The following SLC25A26 variants were observed in gnomAD, a reference collection of about 807,000 sequenced individuals.
SLC25A26 encodes the protein mitochondrial S-adenosylmethionine carrier protein.
SLC25A26 carries 36 observed loss-of-function variants against 37.8 expected under a neutral mutation model. The ratio of observed to expected loss-of-function variants is 0.95; its 90% CI spans 0.73 to 1.26. The LOEUF is 1.26. Ranked by LOEUF, SLC25A26 falls within the 50% of genes most tolerant of loss-of-function variation. SLC25A26 has a pLI of 0.00. For missense variants in SLC25A26, 390 were observed against 331.1 expected, an observed-to-expected ratio of 1.18 and a Z score of -1.38; for synonymous variants, 129 against 122.5, an observed-to-expected ratio of 1.05 and a Z score of -0.35.
At chr3:66,318,049 G>A (rs1284344685) in intron 5 of SLC25A26, among the ~76,000 whole-genome samples, 1 of 152,174 alleles carries the variant, frequency 6.6e-6, no homozygotes, top group Non-Finnish European at 1.5e-5. Context: ...GCAGTCTCAA[G>A]TCTGATGTGC....
chr3:66,165,758 T>C (rs868202682), intron 1 of SLC25A26, among the ~76,000 whole-genome samples: 45 of 152,172 alleles, frequency 3.0e-4, no homozygotes, highest in African/African-American at 1.1e-3. Flanking sequence ...TAGTATATAA[T>C]TTGCCTTTTC....
At chr3:66,250,864 C>A (rs994522080) in intron 3 of SLC25A26, among the ~76,000 whole-genome samples, 1 of 152,126 alleles carries the variant, frequency 6.6e-6, no homozygotes, top group African/African-American at 2.4e-5. Context: ...AAGGTATCAA[C>A]ACAATGTGGG....
At chr3:66,199,155 G>GC (rs1388786440) in intron 1 of SLC25A26, among the ~76,000 whole-genome samples, 4 of 151,564 alleles carry the variant, frequency 2.6e-5, no homozygotes, top group Non-Finnish European at 5.9e-5. Context: ...ACTTGACCCT[G>GC]CCCTACCTCT....
chr3:66,154,326 G>C (rs935986543), intron 1 of SLC25A26, among the ~76,000 whole-genome samples: 1 of 152,096 alleles, frequency 6.6e-6, no homozygotes, highest in African/African-American at 2.4e-5. Context: ...TTTTGGCAGA[G>C]ATTATCCTAA....
chr3:66,225,402 T>C (rs2071695848), intron 1 of SLC25A26, among the ~76,000 whole-genome samples: 1 of 152,178 alleles, frequency 6.6e-6, no homozygotes, highest in African/African-American at 2.4e-5. Flanking sequence ...CCTTGGCCCC[T>C]TCTAGCCACG....
At chr3:66,298,998 T>C (rs1652616938) in intron 5 of SLC25A26, among the ~76,000 whole-genome samples, 1 of 152,196 alleles carries the variant, frequency 6.6e-6, no homozygotes, top group Admixed American at 6.5e-5. Context: ...AAACTCAGTG[T>C]GTAAACTTAG....
chr3:66,144,583 C>G (rs1047466770), intron 1 of SLC25A26, among the ~76,000 whole-genome samples: 1 of 151,944 alleles, frequency 6.6e-6, no homozygotes, highest in Non-Finnish European at 1.5e-5. Context: ...TTGGTACTAA[C>G]GAGTGGTAAG....
chr3:66,291,773 T>G (rs892130083), intron 5 of SLC25A26, among the ~76,000 whole-genome samples: 1 of 152,218 alleles, frequency 6.6e-6, no homozygotes, highest in African/African-American at 2.4e-5. Flanking sequence ...GAATGTATAT[T>G]CTTTTGATTT....
chr3:66,235,346 T>C (rs933510983), intron 1 of SLC25A26, among the ~76,000 whole-genome samples: 1 of 152,134 alleles, frequency 6.6e-6, no homozygotes, highest in African/African-American at 2.4e-5. Flanking sequence ...CCCCCCAAAA[T>C]CCATTTAGCA....
At chr3:66,365,173 T>C (rs1263606042) in intron 7 of SLC25A26, among the ~76,000 whole-genome samples, 1 of 152,202 alleles carries the variant, frequency 6.6e-6, no homozygotes, top group Non-Finnish European at 1.5e-5. Flanking sequence ...CTTGCAGACT[T>C]TACCCTTACA....
intron 5 of SLC25A26, among the ~76,000 whole-genome samples, chr3:66,341,498 AAG>A (rs1408371120): frequency 6.6e-6 from 1 of 152,176 alleles, no homozygotes; most frequent in African/African-American, 2.4e-5. Flanking sequence ...AATGTGGAAA[AAG>A]AAAATCTAAT....
At chr3:66,282,901 G>GT (rs1281220159) in intron 5 of SLC25A26, among the ~76,000 whole-genome samples, 2 of 152,116 alleles carry the variant, frequency 1.3e-5, no homozygotes, top group Admixed American at 6.5e-5. Flanking sequence ...CATCACTATA[G>GT]TTTTTTCTGT....
chr3:66,175,440 G>A (rs988452552), intron 1 of SLC25A26, among the ~76,000 whole-genome samples: 1 of 151,918 alleles, frequency 6.6e-6, no homozygotes, highest in Non-Finnish European at 1.5e-5. Context: ...GCCCGGGCTC[G>A]TCTCAAACTC....
chr3:66,371,099 G>C (rs2107845990), intron 9 of SLC25A26: 1 of 1,394,474 alleles, frequency 7.2e-7, no homozygotes, highest in East Asian at 2.6e-5. Flanking sequence ...TGTCCTAAAA[G>C]CTCTCTCTGC....
chr3:66,171,683 T>C (rs1032782173), intron 1 of SLC25A26, among the ~76,000 whole-genome samples: 1 of 152,112 alleles, frequency 6.6e-6, no homozygotes, highest in Admixed American at 6.6e-5. Flanking sequence ...AGAGATGGGG[T>C]TTCACCATGT....
chr3:66,272,199 A>G (rs1440720347), intron 5 of SLC25A26, among the ~76,000 whole-genome samples: 1 of 152,064 alleles, frequency 6.6e-6, no homozygotes, highest in Admixed American at 6.6e-5. Context: ...TGCGATCCCT[A>G]CTTGACAGAA....
chr3:66,294,857 G>A (rs920268752), intron 5 of SLC25A26, among the ~76,000 whole-genome samples: 1 of 152,094 alleles, frequency 6.6e-6, no homozygotes, highest in Non-Finnish European at 1.5e-5. Context: ...TCCAGTTTGT[G>A]GACAGTAAAG....
At chr3:66,144,586 GT>G (rs1254846079) in intron 1 of SLC25A26, among the ~76,000 whole-genome samples, 1 of 152,142 alleles carries the variant, frequency 6.6e-6, no homozygotes, top group Non-Finnish European at 1.5e-5. Context: ...GTACTAACGA[GT>G]GGTAAGAAGC....
intron 1 of SLC25A26, among the ~76,000 whole-genome samples, chr3:66,224,380 A>G (rs2071641130): frequency 1.3e-5 from 2 of 152,214 alleles, no homozygotes; most frequent in Admixed American, 6.5e-5. Context: ...CATGTCTTAC[A>G]TAGTGGCAGA....
Sources: allele counts gnomAD v4.1 joint callset (sites outside exome capture counted in the v4.1 genomes callset), GRCh38; gene constraint gnomAD v4.1.1; transcripts MANE v1.5; gene names NCBI Gene and HGNC (gene_info 2026-07-23, HGNC 2026-07-21).